Variants in RXFP1 observed in about 807,000 individuals in gnomAD.
RXFP1 encodes relaxin family peptide receptor 1, also known as relaxin receptor 1.
In RXFP1, 73 loss-of-function variants were observed where a neutral mutation model predicts 89.8. The ratio of observed to expected loss-of-function variants is 0.81; its 90% CI spans 0.67 to 0.99. RXFP1 has a LOEUF of 0.99. RXFP1 is among the 50% of genes least tolerant of loss of function. The pLI is 0.00. For missense variants in RXFP1, 793 were observed against 895.5 expected, an observed-to-expected ratio of 0.89 and a Z score of 1.46; for synonymous variants, 277 against 305.5, an observed-to-expected ratio of 0.91 and a Z score of 0.97.
At chr4:158,594,356 C>T (rs1352054734) in intron 3 of RXFP1, among the ~76,000 whole-genome samples, 2 of 152,190 alleles carry the variant, frequency 1.3e-5, no homozygotes, top group Non-Finnish European at 2.9e-5. Context: ...ACCCTCATTA[C>T]TCTATGAGCT....
chr4:158,527,564 AAT>A (rs1553989424), intron 1 of RXFP1, among the ~76,000 whole-genome samples: 1 of 98,338 alleles, frequency 1.0e-5, no homozygotes, highest in African/African-American at 3.5e-5. Context: ...AAAAAAAAAA[AAT>A]ATATATATAT....
intron 12 of RXFP1, 109 bp from the exon 13 acceptor site, chr4:158,637,899 G>T: frequency 1.0e-5 from 7 of 678,914 alleles, no homozygotes; most frequent in East Asian, 5.7e-5. Flanking sequence ...ACGAGTTATT[G>T]TATACTTTCG....
intron 2 of RXFP1, among the ~76,000 whole-genome samples, chr4:158,584,446 A>G (rs1272039497): frequency 2.6e-5 from 4 of 152,158 alleles, no homozygotes; most frequent in African/African-American, 9.7e-5. Flanking sequence ...AAAAAAAAAA[A>G]AGAAAGGCTC....
chr4:158,617,046 C>A, intron 8 of RXFP1, 85 bp from the exon 9 acceptor site: 2 of 914,464 alleles, frequency 2.2e-6, no homozygotes, highest in Non-Finnish European at 3.3e-6. Flanking sequence ...TTGTGGGTTT[C>A]ATAAGAATAA....
rs964183471 is a variant in RXFP1 at position 158,543,985 on chromosome 4, T to A, written c.49+21960T>A. The A allele has an allele frequency of 4.1e-6, 4 of 985,346 alleles. No individual in the cohort carries two copies. In the African/African-American group the frequency reaches 7.0e-5, roughly 17 times the overall value. The allele number at this position is 985,346 out of a possible 1,614,324, so 61.0% of individuals were successfully genotyped here. A position where few individuals can be genotyped will look rare whatever the true frequency, so the allele number is the denominator to read the frequency against. ...TATTTTTGCATTCTGCCATGTTTCG[T>A]CCATTTTGCCCCTACCTTGGGCATT... On this transcript the variant is annotated intron_variant, in intron 1 of 17. Coordinates refer to ENST00000307765, the MANE Select transcript of RXFP1 (RefSeq NM_021634.4).
At chr4:158,606,193 T>C (rs879934626) in intron 5 of RXFP1, among the ~76,000 whole-genome samples, 1 of 152,262 alleles carries the variant, frequency 6.6e-6, no homozygotes, top group Admixed American at 6.5e-5. Context: ...GAAGAATTTT[T>C]CTGTAGCATC....
intron 9 of RXFP1, among the ~76,000 whole-genome samples, chr4:158,623,125 T>C (rs1765947098): frequency 6.6e-6 from 1 of 152,124 alleles, no homozygotes; most frequent in South Asian, 2.1e-4. Flanking sequence ...GATATCACAT[T>C]ATAAGTCTAT....
At chr4:158,603,656 C>A (rs1452116436) in intron 4 of RXFP1, among the ~76,000 whole-genome samples, 2 of 151,848 alleles carry the variant, frequency 1.3e-5, no homozygotes, top group Non-Finnish European at 2.9e-5. Context: ...CTTTCGGAGG[C>A]CGAGGCAGGT....
At chr4:158,572,917 A>T in intron 2 of RXFP1, 82 bp downstream of exon 2, 1 of 1,549,486 alleles carries the variant, frequency 6.5e-7, no homozygotes, top group East Asian at 2.3e-5. Flanking sequence ...CTCTCAACAA[A>T]AAGACAAAAC....
intron 3 of RXFP1, among the ~76,000 whole-genome samples, chr4:158,595,876 G>A (rs1007490674): frequency 1.3e-5 from 2 of 151,896 alleles, no homozygotes; most frequent in Non-Finnish European, 2.9e-5. Context: ...GCTGGGCACA[G>A]TGGCTCACAC....
At chr4:158,590,667 A>C (rs1339492954) in intron 2 of RXFP1, among the ~76,000 whole-genome samples, 1 of 152,164 alleles carries the variant, frequency 6.6e-6, no homozygotes, top group Non-Finnish European at 1.5e-5. Context: ...TGAGAGTCCC[A>C]AGTTCTAATA....
intron 17 of RXFP1, 106 bp downstream of exon 17, chr4:158,648,823 TACA>T: frequency 1.3e-6 from 1 of 743,990 alleles, no homozygotes; most frequent in Non-Finnish European, 2.1e-6. Flanking sequence ...CAAAGAATTG[TACA>T]TCAGATCCGA....
At chr4:158,642,871 G>A (rs1482352890) in intron 14 of RXFP1, among the ~76,000 whole-genome samples, 2 of 152,164 alleles carry the variant, frequency 1.3e-5, no homozygotes, top group African/African-American at 4.8e-5. Context: ...TCTCTCTCCT[G>A]CAGAGAGAGA....
chr4:158,566,186 T>G (rs952919886), intron 1 of RXFP1, among the ~76,000 whole-genome samples: 10 of 152,256 alleles, frequency 6.6e-5, no homozygotes, highest in African/African-American at 2.4e-4. Context: ...GTTAAATTCC[T>G]GATTTTAATG....
At chr4:158,558,563 G>T (rs1430347548) in intron 1 of RXFP1, among the ~76,000 whole-genome samples, 1 of 152,110 alleles carries the variant, frequency 6.6e-6, no homozygotes, top group African/African-American at 2.4e-5. Flanking sequence ...TGAACCAAAT[G>T]TTCTTGGTTG....
intron 1 of RXFP1, among the ~76,000 whole-genome samples, chr4:158,546,281 G>A (rs1406373083): frequency 6.6e-6 from 1 of 152,138 alleles, no homozygotes; most frequent in African/African-American, 2.4e-5. Context: ...GAATGCTTGG[G>A]ATTTTCATAC....
At chr4:158,545,174 T>G (rs1747950703) in intron 1 of RXFP1, among the ~76,000 whole-genome samples, 1 of 151,948 alleles carries the variant, frequency 6.6e-6, no homozygotes, top group Non-Finnish European at 1.5e-5. Flanking sequence ...ATTGTGGTTT[T>G]GATTTGCATT....
Position 158,652,086 on chromosome 4 carries a change from A to G in RXFP1, c.*31A>G. 1 of 1,569,864 alleles carries G rather than the reference A, an allele frequency of 6.4e-7. No individual in the cohort carries two copies. The highest frequency in any genetic ancestry group is 8.7e-7 in the Non-Finnish European group (1 of 1,154,186). ...TCTGAAATTCATTTCTTCGCAGAGA[A>G]TACTGTGGGGGTGCTTCATGAGGGA... On this transcript the variant is annotated 3_prime_UTR_variant, in exon 18 of 18. Transcript: ENST00000307765.
At position 158,584,557 on chromosome 4, in the gene RXFP1, A is replaced by G. The variant is rs141177682; in HGVS notation, c.188-8844A>G. On this transcript the variant is annotated intron_variant, in intron 2 of 17. Coordinates refer to ENST00000307765, the MANE Select transcript of RXFP1 (RefSeq NM_021634.4). ...TCACATTTAGCCTTTCATTTTCATA[A>G]ATGATCATACCATTTAACATGACAT... 9.8e-4 allele frequency among the ~76,000 whole-genome samples: 150 copies of G among 152,322 alleles called. 2 individuals carry two copies. Among genetic ancestry groups the G allele is most frequent in the Admixed American group, 2.2e-3 (33 of 15,306 alleles).
Sources: allele counts gnomAD v4.1 joint callset (sites outside exome capture counted in the v4.1 genomes callset), GRCh38; gene constraint gnomAD v4.1.1; transcripts MANE v1.5; gene names NCBI Gene and HGNC (gene_info 2026-07-23, HGNC 2026-07-21).